Variants in TMEM14B observed in about 807,000 individuals in gnomAD.
TMEM14B encodes transmembrane protein 14B.
Under a neutral mutation model 14.8 loss-of-function variants are expected in TMEM14B, and 9 were observed. The ratio of observed to expected loss-of-function variants is 0.61; its 90% CI spans 0.37 to 1.06. The LOEUF (loss-of-function observed/expected upper bound fraction) is 1.06. TMEM14B is among the 50% of genes least tolerant of loss of function. The pLI, the probability that TMEM14B is intolerant of heterozygous loss-of-function variation, is 0.01. For missense variants in TMEM14B, 128 were observed against 143.6 expected (o/e 0.89, Z 0.56); for synonymous variants, 40 against 51.3 (o/e 0.78, Z 0.94).
intron 4 of TMEM14B, among the ~76,000 whole-genome samples, chr6:10,752,197 T>TCA (rs1297912159): frequency 3.9e-5 from 6 of 151,968 alleles, no homozygotes. Context: ...GCAAATGACC[T>TCA]CACACCTATT....
intron 5 of TMEM14B, chr6:10,755,518 G>C: frequency 7.3e-7 from 1 of 1,376,208 alleles, no homozygotes; most frequent in South Asian, 1.9e-5. Context: ...CCTTTTGTGT[G>C]ACTTGCGGAG....
chr6:10,758,336 A>G (rs1236542441), downstream of TMEM14B, among the ~76,000 whole-genome samples: 1 of 152,214 alleles, frequency 6.6e-6, no homozygotes, highest in Non-Finnish European at 1.5e-5. Flanking sequence ...ATGAATGACA[A>G]GGTTCCCTGA....
chr6:10,749,747 G>C (rs1581610592), intron 3 of TMEM14B, 49 bp downstream of exon 3: 3 of 1,606,322 alleles, frequency 1.9e-6, no homozygotes, highest in Non-Finnish European at 1.7e-6. Flanking sequence ...CGTTGTTCCA[G>C]TGAAATGTGA....
chr6:10,755,464 T>A lies in TMEM14B; in HGVS notation c.293+232T>A, dbSNP rs116511679. 2.2e-3 allele frequency: 3,115 copies of A among 1,428,732 alleles called. 60 individuals carry two copies. In the African/African-American group the frequency reaches 0.039, roughly 18 times the overall value. The allele number at this position is 1,428,732 out of a possible 1,614,324, so 88.5% of individuals were successfully genotyped here. ...GCTTTGTTCTCTGGTCCTAGCTCCT[T>A]CCTATATGGTGGCAGAAGTTTTATT... is the stretch of plus-strand genomic sequence containing the variant. On this transcript the variant is annotated intron_variant, in intron 5 of 5. Coordinates refer to ENST00000379542, the MANE Select transcript of TMEM14B (RefSeq NM_030969.5).
At chr6:10,754,922 G>A (rs2127496495) in intron 4 of TMEM14B, among the ~76,000 whole-genome samples, 2 of 152,324 alleles carry the variant, frequency 1.3e-5, no homozygotes, top group South Asian at 4.1e-4. Context: ...AGATGAGGCT[G>A]GAAGGGCAGG....
At chr6:10,753,161 G>A (rs1428839826) in intron 4 of TMEM14B, among the ~76,000 whole-genome samples, 2 of 151,982 alleles carry the variant, frequency 1.3e-5, no homozygotes, top group African/African-American at 2.4e-5. Flanking sequence ...GCTTGAACCC[G>A]GGAAGTGGAG....
intron 5 of TMEM14B, 130 bp from the exon 6 acceptor site, chr6:10,756,337 C>A: frequency 9.6e-7 from 1 of 1,040,998 alleles, no homozygotes; most frequent in Non-Finnish European, 1.3e-6. Context: ...AATTTTACCT[C>A]TGACCACTCT....
In TMEM14B at chr6:10,749,231, AC is replaced by A. The variant is rs1427784885; in HGVS notation, c.-14del. On this transcript the variant is annotated 5_prime_UTR_variant, in exon 2 of 6. In the 5' UTR this introduces an upstream ATG that the reference lacks. Coordinates refer to ENST00000379542, the MANE Select transcript of TMEM14B (RefSeq NM_030969.5). Reference sequence around the variant, plus strand: ...AGGCCTGGGGTAGTCTCCTTTCTGGACTGAGAAGAGAAGAATGGAGAAGCCC... The same window carrying A: ...AGGCCTGGGGTAGTCTCCTTTCTGGATGAGAAGAGAAGAATGGAGAAGCCC... The A allele has an allele frequency of 6.2e-7, 1 of 1,614,074 alleles. No individual in the cohort carries two copies.
In TMEM14B at chr6:10,756,830, G is replaced by A. The variant is rs543712111; in HGVS notation, c.*312G>A. 9.8e-7 allele frequency: 1 copy of A among 1,017,230 alleles called. No individual in the cohort carries two copies. Among genetic ancestry groups the A allele is most frequent in the Admixed American group, 5.8e-5 (1 of 17,212 alleles). 63.0% of individuals were successfully genotyped at this position (1,017,230 alleles called of 1,614,324 possible). A position where few individuals can be genotyped will look rare whatever the true frequency, so the allele number is the denominator to read the frequency against. ...GTTAGGTGTTGACATTGAGAACCCT[G>A]AAACCCCATTCCCTGCTCAGAGGAA... On this transcript the variant is annotated 3_prime_UTR_variant, in exon 6 of 6. Coordinates refer to ENST00000379542, the MANE Select transcript of TMEM14B (RefSeq NM_030969.5).
downstream of TMEM14B, among the ~76,000 whole-genome samples, chr6:10,758,061 A>C (rs560784671): frequency 2.0e-5 from 3 of 152,024 alleles, no homozygotes; most frequent in African/African-American, 4.8e-5. Context: ...AGTATAATTC[A>C]GACACTTTAT....
In TMEM14B at chr6:10,755,213, G is replaced by A. The variant is rs568883876; in HGVS notation, c.274G>A (p.Gly92Ser). Residue 92 changes from glycine (G) to serine (S), a missense_variant, in exon 5 of 6, where the codon GGT becomes AGT. Coordinates refer to ENST00000379542, the MANE Select transcript of TMEM14B (RefSeq NM_030969.5). ...SYYYGKFMPVGLIAGASLLMA... is the reference protein window; with the variant it reads ...SYYYGKFMPVSLIAGASLLMA... ...CTACTATGGAAAATTCATGCCTGTA[G>A]GTTTAATTGCAGGTGCCAGGTACTT... is the stretch of plus-strand genomic sequence containing the variant. 3.7e-6 allele frequency: 6 copies of A among 1,614,192 alleles called. No homozygotes were observed. In the African/African-American group the frequency reaches 8.0e-5, roughly 22 times the overall value.
intron 4 of TMEM14B, among the ~76,000 whole-genome samples, chr6:10,753,726 A>G (rs1267507606): frequency 1.3e-5 from 2 of 151,806 alleles, no homozygotes; most frequent in East Asian, 1.9e-4. Flanking sequence ...TTCTCCATCC[A>G]TTCGGTTCTT....
At chr6:10,756,378 T>G in intron 5 of TMEM14B, 89 bp from the exon 6 acceptor site, 1 of 1,487,566 alleles carries the variant, frequency 6.7e-7, no homozygotes, top group Non-Finnish European at 9.2e-7. Flanking sequence ...CACACAGTTG[T>G]GAGGAACCTG....
chr6:10,749,135 C>T, intron 1 of TMEM14B, 67 bp from the exon 2 acceptor site: 1 of 1,077,242 alleles, frequency 9.3e-7, no homozygotes, highest in Non-Finnish European at 1.4e-6. Flanking sequence ...GCAGGTTGGA[C>T]ACACTTCTTT....
At chr6:10,753,026 G>C (rs1197936462) in intron 4 of TMEM14B, 2 of 152,012 alleles carry the variant, frequency 1.3e-5, no homozygotes, top group Non-Finnish European at 2.9e-5. Flanking sequence ...ACCTGAGGTC[G>C]GGAGTTGGAG....
chr6:10,747,799 G>T (rs779813691), upstream of TMEM14B: 1 of 152,596 alleles, frequency 6.6e-6, no homozygotes, highest in African/African-American at 2.4e-5. Context: ...GGCGCAGCGC[G>T]CACGCAATCG....
chr6:10,748,954 TGA>T (rs1211757253), intron 1 of TMEM14B, among the ~76,000 whole-genome samples: 1 of 152,248 alleles, frequency 6.6e-6, no homozygotes, highest in Admixed American at 6.5e-5. Flanking sequence ...TGGATCTTGC[TGA>T]GTTTCCTGTG....
chr6:10,753,094 G>A (rs977462548), intron 4 of TMEM14B, among the ~76,000 whole-genome samples: 5 of 151,928 alleles, frequency 3.3e-5, no homozygotes, highest in Non-Finnish European at 5.9e-5. Flanking sequence ...AAATTAGCCG[G>A]GCTTGGTGGC....
downstream of TMEM14B, among the ~76,000 whole-genome samples, chr6:10,757,586 A>C (rs1388506856): frequency 6.6e-6 from 1 of 152,244 alleles, no homozygotes; most frequent in African/African-American, 2.4e-5. Context: ...TGGGCTCTAC[A>C]TTGGACACAT....
Sources: gnomAD v4.1 joint callset for allele counts (sites outside exome capture counted in the v4.1 genomes callset) on GRCh38, gnomAD v4.1.1 for gene constraint, MANE v1.5 for transcripts, NCBI Gene and HGNC (gene_info 2026-07-23, HGNC 2026-07-21) for gene names.